The following PPP3CB variants were observed in gnomAD, a reference collection of about 807,000 sequenced individuals.
PPP3CB encodes protein phosphatase 3 catalytic subunit beta, also known as serine/threonine-protein phosphatase 2B catalytic subunit beta isoform.
PPP3CB carries 8 observed loss-of-function variants against 66.4 expected under a neutral mutation model. That is an observed-to-expected ratio of 0.12 (90% CI 0.07 to 0.22). PPP3CB has a LOEUF of 0.22. Among genes scored for constraint, PPP3CB ranks in the 10% least tolerant of loss-of-function variants. The pLI is 1.00. For synonymous variants in PPP3CB, 208 were observed against 221.2 expected, an observed-to-expected ratio of 0.94 and a Z score of 0.53; for missense variants, 319 against 642.5, an observed-to-expected ratio of 0.50 and a Z score of 5.44.
intron 9 of PPP3CB, among the ~76,000 whole-genome samples, chr10:73,458,618 C>A (rs981694311): frequency 2.5e-4 from 38 of 150,772 alleles, no homozygotes; most frequent in African/African-American, 8.5e-4. Context: ...GGCAACATGG[C>A]GAAACCCTGT....
chr10:73,485,203 A>G (rs991511270), intron 1 of PPP3CB, among the ~76,000 whole-genome samples: 2 of 152,192 alleles, frequency 1.3e-5, no homozygotes, highest in Admixed American at 1.3e-4. Context: ...CTATATAGTA[A>G]CCAATAATAT....
intron 1 of PPP3CB, chr10:73,495,593 G>A (rs2057185917): frequency 5.2e-6 from 3 of 580,580 alleles, no homozygotes; most frequent in Non-Finnish European, 7.6e-6. Context: ...CAAAACCTCC[G>A]CCCCGGCCTG....
intron 12 of PPP3CB, among the ~76,000 whole-genome samples, chr10:73,442,630 A>G (rs1166520147): frequency 2.0e-5 from 3 of 152,014 alleles, no homozygotes; most frequent in South Asian, 2.1e-4. Flanking sequence ...CATTCATGAA[A>G]TTCTTTTTAG....
rs750263168 is a variant in PPP3CB, at chr10:73,438,226, C to T, written c.*16G>A. 5.0e-6 allele frequency: 8 copies of T among 1,607,044 alleles called. No individual in the cohort carries two copies. In the Admixed American group the frequency reaches 5.0e-5, roughly 10 times the overall value. Reference sequence around the variant, plus strand: ...ATTTGGGGCCCGAGATGTGAGAGTCCCTGGGAAGTAGTGGGTCACTGGGCA... The same window carrying T: ...ATTTGGGGCCCGAGATGTGAGAGTCTCTGGGAAGTAGTGGGTCACTGGGCA... On this transcript the variant is annotated 3_prime_UTR_variant, in exon 14 of 14. Transcript: ENST00000360663.
At chr10:73,443,335 A>AAAGAAAGAG (rs2056193627) in intron 12 of PPP3CB, among the ~76,000 whole-genome samples, 1 of 151,248 alleles carries the variant, frequency 6.6e-6, no homozygotes, top group African/African-American at 2.4e-5. Context: ...AAAGAAAAAG[A>AAAGAAAGAG]AAGAGAAGAG....
chr10:73,463,646 C>A (rs2056567828), intron 9 of PPP3CB, among the ~76,000 whole-genome samples: 1 of 152,316 alleles, frequency 6.6e-6, no homozygotes, highest in Non-Finnish European at 1.5e-5. Context: ...ACAGAAATAA[C>A]CTCCTTTCTC....
intron 1 of PPP3CB, among the ~76,000 whole-genome samples, chr10:73,489,116 G>A (rs191753616): frequency 3.9e-5 from 6 of 152,082 alleles, no homozygotes; most frequent in East Asian, 3.9e-4. Context: ...ATTTAATCTA[G>A]CCCTAAAGCA....
intron 9 of PPP3CB, among the ~76,000 whole-genome samples, chr10:73,465,827 T>C (rs1185968434): frequency 6.6e-6 from 1 of 152,186 alleles, no homozygotes; most frequent in African/African-American, 2.4e-5. Flanking sequence ...TAGCAAAATA[T>C]GCAAAGAGTT....
At position 73,471,785 on chromosome 10, in the gene PPP3CB, G is replaced by C. The variant is rs557875660; in HGVS notation, c.524-172C>G. Among the ~76,000 whole-genome samples the C allele has an allele frequency of 3.3e-5, 5 of 152,276 alleles. No individual in the cohort carries two copies. In the South Asian group the frequency reaches 8.3e-4, roughly 25 times the overall value. On this transcript the variant is annotated intron_variant, in intron 4 of 13. Coordinates refer to ENST00000360663, the MANE Select transcript of PPP3CB (RefSeq NM_021132.4). ...TTCAACTGTAGTAATAGCCCAGACA[G>C]ACAGACAGACAGATGGCAAGAAAAT...
At position 73,474,962 on chromosome 10, in the gene PPP3CB, A is replaced by G; in HGVS notation, c.480T>C (p.His160=). 1 of 1,614,106 alleles carries G rather than the reference A, an allele frequency of 6.2e-7. No individual in the cohort carries two copies. Among genetic ancestry groups the G allele is most frequent in the East Asian group, 2.2e-5 (1 of 44,866 alleles). The part of the protein sequence containing the change: ...PSTLFLLRGN[H]ECRHLTEYFT... ...AATATTCAGTAAGGTGTCTGCATTCATGGTTGCCTCTCAGAAGAAATAATG... is the reference window on the plus strand; with the variant it reads ...AATATTCAGTAAGGTGTCTGCATTCGTGGTTGCCTCTCAGAAGAAATAATG... The change falls in exon 4 of 14, where the codon CAT becomes CAC. Residue 160 remains histidine, a synonymous_variant. Transcript: ENST00000360663.
intron 9 of PPP3CB, among the ~76,000 whole-genome samples, chr10:73,457,748 A>G (rs1297888759): frequency 1.3e-5 from 2 of 151,924 alleles, no homozygotes; most frequent in African/African-American, 2.4e-5. Context: ...AAAAAAAAAA[A>G]AAAAGAAAGA....
chr10:73,436,519 T>G lies in PPP3CB; in HGVS notation c.*1723A>C, dbSNP rs564404255. 6 of 152,322 alleles carry G rather than the reference T, an allele frequency of 3.9e-5. No individual in the cohort carries two copies. The highest frequency in any genetic ancestry group is 1.2e-4 in the African/African-American group (5 of 41,566). The allele number at this position is 152,322 out of a possible 1,614,324, so 9.4% of individuals were successfully genotyped here. On this transcript the variant is annotated 3_prime_UTR_variant, in exon 14 of 14. Transcript: ENST00000360663. ...AAATTCTAGACAATAACATATTTTC[T>G]TTCAATTAAAAGACAATAAACAGTG...
At chr10:73,449,262 C>A (rs576363947) in intron 10 of PPP3CB, among the ~76,000 whole-genome samples, 1 of 152,322 alleles carries the variant, frequency 6.6e-6, no homozygotes, top group East Asian at 1.9e-4. Context: ...CTCCCATATT[C>A]CCTAACAAGA....
rs535770686 is a variant in PPP3CB at position 73,468,348 on chromosome 10, T to G, written c.983-670A>C. 1.1e-4 allele frequency among the ~76,000 whole-genome samples: 16 copies of G among 152,280 alleles called. No homozygotes were observed. In the East Asian group the frequency reaches 3.1e-3, roughly 29 times the overall value. ...GCAGGTATCTAATGTTTCAATATGT[T>G]GATATAATTAAAATCTTAAATGACC... On this transcript the variant is annotated intron_variant, in intron 8 of 13. Coordinates refer to ENST00000360663, the MANE Select transcript of PPP3CB (RefSeq NM_021132.4).
intron 13 of PPP3CB, among the ~76,000 whole-genome samples, 193 bp from the exon 14 acceptor site, chr10:73,438,613 A>G (rs142001865): frequency 1.4e-4 from 21 of 152,230 alleles, no homozygotes; most frequent in African/African-American, 4.8e-4. Flanking sequence ...AAATATAAAC[A>G]TCATAGCTTT....
intron 9 of PPP3CB, among the ~76,000 whole-genome samples, chr10:73,455,242 T>C (rs983913597): frequency 2.0e-5 from 3 of 152,160 alleles, no homozygotes; most frequent in Non-Finnish European, 2.9e-5. Flanking sequence ...AGATTACTAA[T>C]GACTATCTAA....
chr10:73,486,594 C>A (rs539870450), intron 1 of PPP3CB, among the ~76,000 whole-genome samples: 1 of 151,964 alleles, frequency 6.6e-6, no homozygotes, highest in Non-Finnish European at 1.5e-5. Context: ...CGTGAGCCAC[C>A]GCGCTTGGCC....
At chr10:73,440,846 A>G (rs1369544695) in intron 12 of PPP3CB, among the ~76,000 whole-genome samples, 1 of 152,222 alleles carries the variant, frequency 6.6e-6, no homozygotes, top group African/African-American at 2.4e-5. Flanking sequence ...ATAGTGTGTC[A>G]CTGGTCCATT....
intron 11 of PPP3CB, 132 bp downstream of exon 11, chr10:73,446,360 A>C: frequency 1.2e-6 from 1 of 843,880 alleles, no homozygotes; most frequent in Non-Finnish European, 1.9e-6. Flanking sequence ...TTGGCATCCC[A>C]AAATGCTGAG....
Sources: gnomAD v4.1 joint callset for allele counts (sites outside exome capture counted in the v4.1 genomes callset) on GRCh38, gnomAD v4.1.1 for gene constraint, MANE v1.5 for transcripts, NCBI Gene and HGNC (gene_info 2026-07-23, HGNC 2026-07-21) for gene names.